Variants in LYRM1 observed in about 807,000 individuals in gnomAD.
The protein encoded by LYRM1 is LYR motif containing 1, also known as LYR motif-containing protein 1.
LYRM1 carries 14 observed loss-of-function variants against 14.9 expected under a neutral mutation model. The ratio of observed to expected loss-of-function variants is 0.94; its 90% CI spans 0.62 to 1.47. The LOEUF is 1.47. LYRM1 is among the 40% of genes most tolerant of loss of function. The probability of loss-of-function intolerance (pLI) is 0.00; values close to 1 mark genes in which losing one functional copy is unlikely to be tolerated. For missense variants in LYRM1, 153 were observed against 149.9 expected (o/e 1.02, Z -0.11); for synonymous variants, 43 against 56.2 (o/e 0.77, Z 1.05).
At chr16:20,904,691 T>TTTTTTGTGTG (rs148224628) in intron 1 of LYRM1, among the ~76,000 whole-genome samples, 5 of 141,062 alleles carry the variant, frequency 3.5e-5, no homozygotes, top group South Asian at 4.6e-4. Context: ...AAGTCTGTGG[T>TTTTTTGTGTG]TGTGTGTGTG....
intron 2 of LYRM1, among the ~76,000 whole-genome samples, chr16:20,919,337 G>A (rs2083068585): frequency 2.0e-5 from 3 of 152,084 alleles, no homozygotes; most frequent in Admixed American, 2.0e-4. Flanking sequence ...AACATGAGGG[G>A]GGTGTGAAGA....
chr16:20,923,886 A>C (rs1298396860), intron 3 of LYRM1, 114 bp from the exon 4 acceptor site: 5 of 597,724 alleles, frequency 8.4e-6, no homozygotes, highest in Non-Finnish European at 1.5e-5. Flanking sequence ...TTAATGAATC[A>C]ATGTAGATAC....
intron 1 of LYRM1, among the ~76,000 whole-genome samples, chr16:20,909,834 T>C (rs954934145): frequency 2.0e-5 from 3 of 152,218 alleles, no homozygotes; most frequent in African/African-American, 7.2e-5. Flanking sequence ...CAAACATTTA[T>C]TGAATACTGA....
At chr16:20,907,912 T>TA (rs2082402360) in intron 1 of LYRM1, among the ~76,000 whole-genome samples, 1 of 152,176 alleles carries the variant, frequency 6.6e-6, no homozygotes, top group Non-Finnish European at 1.5e-5. Context: ...GCCACTAGAA[T>TA]ATAAGCTCAA....
In LYRM1 at chr16:20,924,028, C is replaced by T. The variant is rs11544267; in HGVS notation, c.281C>T (p.Pro94Leu). The T allele has an allele frequency of 6.9e-4, 1,109 of 1,612,108 alleles. 8 individuals carry two copies. The African/African-American group carries it at 0.013, about 19-fold the overall frequency. Reference protein sequence around the residue: ...PIHLPPMGLTPLRGRGLRSQE... With the variant: ...PIHLPPMGLTLLRGRGLRSQE... ...CATCTGCCTCCAATGGGCCTTACCC[C>T]ACTCCGAGGCCGGGGACTTCGAAGC... Residue 94 changes from proline (P) to leucine (L), a missense_variant, in exon 4 of 4, where the codon CCA (proline) becomes CTA (leucine). Physicochemically the swap from Pro to Leu is moderately conservative, Grantham distance 98. Coordinates refer to ENST00000567954, the MANE Select transcript of LYRM1 (RefSeq NM_001128302.3).
At chr16:20,919,300 A>G (rs891538572) in intron 2 of LYRM1, among the ~76,000 whole-genome samples, 1 of 152,076 alleles carries the variant, frequency 6.6e-6, no homozygotes, top group African/African-American at 2.4e-5. Flanking sequence ...ACTTGCAGAA[A>G]CCATGGGGTT....
chr16:20,908,295 A>T (rs2082422628), intron 1 of LYRM1, among the ~76,000 whole-genome samples: 1 of 152,234 alleles, frequency 6.6e-6, no homozygotes, highest in Non-Finnish European at 1.5e-5. Flanking sequence ...GTGCAAAAAA[A>T]TTGCTTCCTT....
At chr16:20,905,909 A>C (rs974666223) in intron 1 of LYRM1, among the ~76,000 whole-genome samples, 3 of 152,220 alleles carry the variant, frequency 2.0e-5, no homozygotes, top group Non-Finnish European at 4.4e-5. Flanking sequence ...TGGGATCATC[A>C]GTTGGGAAGC....
chr16:20,909,237 A>G (rs958484493), intron 1 of LYRM1, among the ~76,000 whole-genome samples: 6 of 152,190 alleles, frequency 3.9e-5, no homozygotes, highest in Admixed American at 6.5e-5. Context: ...CCACACATGT[A>G]TATCCCTGTG....
At chr16:20,904,746 G>A (rs1042287594) in intron 1 of LYRM1, among the ~76,000 whole-genome samples, 2 of 145,048 alleles carry the variant, frequency 1.4e-5, no homozygotes, top group Non-Finnish European at 3.0e-5. Flanking sequence ...AGGAGGATAT[G>A]GGACCAGAAA....
chr16:20,915,277 G>A (rs898197952), intron 1 of LYRM1, among the ~76,000 whole-genome samples: 15 of 152,040 alleles, frequency 9.9e-5, no homozygotes, highest in African/African-American at 3.6e-4. Flanking sequence ...TCGAGACCAC[G>A]GTGAAACCCT....
Position 20,915,670 on chromosome 16 carries a change from T to G in LYRM1, c.115T>G (p.Tyr39Asp). The G allele has an allele frequency of 6.2e-7, 1 of 1,614,084 alleles. No individual in the cohort carries two copies. Among genetic ancestry groups the G allele is most frequent in the Non-Finnish European group, 8.5e-7 (1 of 1,180,020 alleles). Residue 39 changes from tyrosine (Y) to aspartate (D), a missense_variant, in exon 2 of 4, where the codon TAC becomes GAC. Physicochemically the swap from Tyr to Asp is radical, Grantham distance 160. Coordinates refer to ENST00000567954, the MANE Select transcript of LYRM1 (RefSeq NM_001128302.3). ...QMEDTIKEKQ[Y>D]ILNEARTLFR... ...GGAAGACACCATCAAAGAAAAACAG[T>G]ACATACTAAATGAAGCCAGAACGCT...
At chr16:20,918,127 T>G (rs2083000210) in intron 2 of LYRM1, among the ~76,000 whole-genome samples, 2 of 152,210 alleles carry the variant, frequency 1.3e-5, no homozygotes, top group Admixed American at 1.3e-4. Context: ...TTCTGTAGCT[T>G]CAGGTATCAG....
intron 3 of LYRM1, among the ~76,000 whole-genome samples, chr16:20,922,444 CTATT>C (rs1218801580): frequency 6.6e-6 from 1 of 151,630 alleles, no homozygotes; most frequent in Non-Finnish European, 1.5e-5. Context: ...AATTGGCTCT[CTATT>C]TATCTAGACA....
intron 1 of LYRM1, among the ~76,000 whole-genome samples, chr16:20,913,293 T>C (rs2082695980): frequency 6.7e-6 from 1 of 149,860 alleles, no homozygotes; most frequent in South Asian, 2.1e-4. Context: ...ATGGCTATTA[T>C]ATTGGTCTCA....
intron 2 of LYRM1, among the ~76,000 whole-genome samples, chr16:20,916,346 G>A (rs1211335489): frequency 6.6e-6 from 1 of 152,072 alleles, no homozygotes; most frequent in Non-Finnish European, 1.5e-5. Flanking sequence ...TGTTAGCTCC[G>A]GGGAAGACCT....
At chr16:20,916,392 G>T (rs934996641) in intron 2 of LYRM1, among the ~76,000 whole-genome samples, 2 of 152,140 alleles carry the variant, frequency 1.3e-5, no homozygotes, top group Admixed American at 6.5e-5. Context: ...TTTCACACCC[G>T]ACTTCTCTTC....
intron 1 of LYRM1, among the ~76,000 whole-genome samples, chr16:20,903,795 G>T (rs576194807): frequency 1.7e-4 from 26 of 151,548 alleles, no homozygotes; most frequent in Non-Finnish European, 3.4e-4. Flanking sequence ...TGGATCAAGG[G>T]TCAGGTGCTA....
chr16:20,916,120 A>G (rs1329485938), intron 2 of LYRM1, among the ~76,000 whole-genome samples: 3 of 152,082 alleles, frequency 2.0e-5, no homozygotes, highest in Admixed American at 6.6e-5. Flanking sequence ...AAAGCCTCTA[A>G]ATATAAACCC....
Sources: allele counts gnomAD v4.1 joint callset (sites outside exome capture counted in the v4.1 genomes callset), GRCh38; gene constraint gnomAD v4.1.1; transcripts MANE v1.5; gene names NCBI Gene and HGNC (gene_info 2026-07-23, HGNC 2026-07-21).